Variants in MDGA2 observed in about 807,000 individuals in gnomAD.
MDGA2 encodes the protein MAM domain-containing glycosylphosphatidylinositol anchor protein 2.
Under a neutral mutation model 117.8 loss-of-function variants are expected in MDGA2, and 40 were observed. The ratio of observed to expected loss-of-function variants is 0.34; its 90% CI spans 0.26 to 0.44. MDGA2 has a LOEUF of 0.44. MDGA2 is among the 20% of genes least tolerant of loss of function. MDGA2 has a pLI of 1.00. For synonymous variants in MDGA2, 452 were observed against 439.0 expected (o/e 1.03, Z -0.37); for missense variants, 1,123 against 1,250.6 (o/e 0.90, Z 1.54).
At chr14:47,540,561 T>TATATATATATACATATAC (rs1895331588) in intron 1 of MDGA2, among the ~76,000 whole-genome samples, 1 of 100,308 alleles carries the variant, frequency 1.0e-5, no homozygotes, top group African/African-American at 3.3e-5. Flanking sequence ...TATGTATATA[T>TATATATATATACATATAC]ATACACACAC....
chr14:47,257,089 A>G (rs1887646082), intron 2 of MDGA2, among the ~76,000 whole-genome samples: 1 of 152,194 alleles, frequency 6.6e-6, no homozygotes, highest in Admixed American at 6.6e-5. Flanking sequence ...TGTGAGTAAC[A>G]ACACTACTTT....
chr14:47,296,856 T>C (rs1006802806), intron 2 of MDGA2, among the ~76,000 whole-genome samples: 6 of 152,168 alleles, frequency 3.9e-5, no homozygotes, highest in African/African-American at 1.4e-4. Context: ...ATTATACACA[T>C]TTGAGAGTAC....
intron 3 of MDGA2, among the ~76,000 whole-genome samples, chr14:47,148,710 G>C (rs1347007726): frequency 6.6e-6 from 1 of 152,160 alleles, no homozygotes; most frequent in African/African-American, 2.4e-5. Context: ...ACATACATTT[G>C]CTATGGTGTT....
chr14:47,209,617 A>G (rs1366749750), intron 3 of MDGA2, among the ~76,000 whole-genome samples: 2 of 152,228 alleles, frequency 1.3e-5, no homozygotes, highest in African/African-American at 4.8e-5. Flanking sequence ...AACACGAATC[A>G]GTAAACAGGT....
chr14:47,056,866 G>T (rs1244686937), intron 7 of MDGA2, among the ~76,000 whole-genome samples: 1 of 152,012 alleles, frequency 6.6e-6, no homozygotes, highest in East Asian at 1.9e-4. Flanking sequence ...AAATTCACAT[G>T]CATTTTTCAG....
chr14:46,955,982 G>A (rs958701376), intron 9 of MDGA2, among the ~76,000 whole-genome samples: 1 of 152,030 alleles, frequency 6.6e-6, no homozygotes, highest in African/African-American at 2.4e-5. Flanking sequence ...TACTAATCCT[G>A]ATATGTTTTA....
rs185542536 is a variant in MDGA2, at chr14:47,458,547, C to A, written c.281-156997G>T. Among the ~76,000 whole-genome samples the A allele has an allele frequency of 7.0e-3, 1,067 of 152,124 alleles. 23 individuals are homozygous for A. The highest frequency in any genetic ancestry group is 3.6e-3 in the Non-Finnish European group (243 of 67,998). ...ATGTTGGTGAAGGGGTACAAAGTTT[C>A]AGTTATGCTGGATGAGTAAGTTCTG... is the stretch of plus-strand genomic sequence containing the variant. On this transcript the variant is annotated intron_variant, in intron 1 of 16. Coordinates refer to ENST00000399232, the MANE Select transcript of MDGA2 (RefSeq NM_001113498.3).
intron 1 of MDGA2, among the ~76,000 whole-genome samples, chr14:47,438,703 T>C (rs570316617): frequency 4.6e-5 from 7 of 152,076 alleles, no homozygotes; most frequent in African/African-American, 9.7e-5. Context: ...ACCAGACCAA[T>C]TGGTGCTGTT....
At chr14:46,922,875 C>T (rs1402580626) in intron 9 of MDGA2, among the ~76,000 whole-genome samples, 1 of 152,136 alleles carries the variant, frequency 6.6e-6, no homozygotes, top group African/African-American at 2.4e-5. Flanking sequence ...TCAGATAATG[C>T]GGATGGAGCG....
At position 47,311,841 on chromosome 14, in the gene MDGA2, T is replaced by C. The variant is rs1261757298; in HGVS notation, c.281-10291A>G. On this transcript the variant is annotated intron_variant, in intron 1 of 16. Coordinates refer to ENST00000399232, the MANE Select transcript of MDGA2 (RefSeq NM_001113498.3). ...TGCCTTATGCTAGAAACACATTTTG[T>C]GATTTTTTATATATATTATAATTTC... Among the ~76,000 whole-genome samples, 5 of 152,174 alleles carry C rather than the reference T, an allele frequency of 3.3e-5. No homozygotes were observed. The East Asian group carries it at 9.6e-4, about 29-fold the overall frequency.
At chr14:47,266,792 A>G (rs73251660) in intron 2 of MDGA2, among the ~76,000 whole-genome samples, 5,932 of 152,132 alleles carry the variant, frequency 0.039, 127 homozygotes, top group African/African-American at 0.046. Context: ...CTTCTCCAAC[A>G]CTTCCAGTGT....
chr14:46,960,047 C>A (rs970368770), intron 8 of MDGA2, among the ~76,000 whole-genome samples: 3 of 151,912 alleles, frequency 2.0e-5, no homozygotes, highest in Non-Finnish European at 4.4e-5. Flanking sequence ...CATAGTGAAA[C>A]CCCGTCTCTA....
chr14:46,882,269 A>T, intron 10 of MDGA2, 48 bp from the exon 11 acceptor site: 1 of 1,482,472 alleles, frequency 6.7e-7, no homozygotes, highest in South Asian at 1.4e-5. Flanking sequence ...TGTTCTTCAG[A>T]GGTACTAAGA....
intron 2 of MDGA2, among the ~76,000 whole-genome samples, chr14:47,239,264 G>A (rs1212876177): frequency 1.3e-5 from 2 of 148,976 alleles, no homozygotes; most frequent in African/African-American, 4.9e-5. Context: ...ATTAAATTAC[G>A]GACAAATTCT....
chr14:47,561,171 G>GTTT lies in MDGA2; in HGVS notation c.280+113343_280+113345dup, dbSNP rs1594918273. 1.1e-3 allele frequency among the ~76,000 whole-genome samples: 73 copies of GTTT among 68,452 alleles called. 8 individuals are homozygous for GTTT. In the East Asian group the frequency reaches 0.044, roughly 41 times the overall value. The allele number at this position is 68,452 out of a possible 152,430, so 44.9% of individuals were successfully genotyped here. On this transcript the variant is annotated intron_variant, in intron 1 of 16. Coordinates refer to ENST00000399232, the MANE Select transcript of MDGA2 (RefSeq NM_001113498.3). Reference sequence around the variant, plus strand: ...TTTTTTTGTTTTGTTTTGTTTTTTTGTTTGTTTGTTTTTTTTTGCTTAGGA... The same window carrying GTTT: ...TTTTTTTGTTTTGTTTTGTTTTTTTGTTTTTTGTTTGTTTTTTTTTGCTTAGGA...
At chr14:47,531,140 G>A (rs1466901648) in intron 1 of MDGA2, among the ~76,000 whole-genome samples, 2 of 152,144 alleles carry the variant, frequency 1.3e-5, no homozygotes, top group South Asian at 2.1e-4. Flanking sequence ...AGCTACTCGG[G>A]AGGCTGAGGC....
chr14:47,624,106 G>T (rs1897098054), intron 1 of MDGA2, among the ~76,000 whole-genome samples: 1 of 152,140 alleles, frequency 6.6e-6, no homozygotes, highest in Non-Finnish European at 1.5e-5. Context: ...ATTGTAATTT[G>T]TAAAATATGT....
intron 1 of MDGA2, among the ~76,000 whole-genome samples, chr14:47,500,018 A>G (rs1288440358): frequency 6.6e-6 from 1 of 152,180 alleles, no homozygotes; most frequent in Non-Finnish European, 1.5e-5. Context: ...AGCGATTTAA[A>G]AAAAAATCTG....
At chr14:47,108,678 A>G (rs904542616) in intron 5 of MDGA2, among the ~76,000 whole-genome samples, 5 of 152,026 alleles carry the variant, frequency 3.3e-5, no homozygotes, top group Non-Finnish European at 7.4e-5. Flanking sequence ...CTCTTTTCGG[A>G]CTCAGCCCGC....
Sources: gnomAD v4.1 joint callset for allele counts (sites outside exome capture counted in the v4.1 genomes callset) on GRCh38, gnomAD v4.1.1 for gene constraint, MANE v1.5 for transcripts, NCBI Gene and HGNC (gene_info 2026-07-23, HGNC 2026-07-21) for gene names.